The following SERINC2 variants were observed in gnomAD, a reference collection of about 807,000 sequenced individuals.
The protein encoded by SERINC2 is tumor differentially expressed protein 2.
In SERINC2, 56 loss-of-function variants were observed where a neutral mutation model predicts 54.2. The ratio of observed to expected loss-of-function variants is 1.03; its 90% CI spans 0.83 to 1.29. The LOEUF (loss-of-function observed/expected upper bound fraction) is 1.29, where lower values mean the gene tolerates loss of function less well. SERINC2 is among the 50% of genes most tolerant of loss of function. The pLI, the probability that SERINC2 is intolerant of heterozygous loss-of-function variation, is 0.00. For synonymous variants in SERINC2, 272 were observed against 253.1 expected, an observed-to-expected ratio of 1.07 and a Z score of -0.71; for missense variants, 614 against 607.4, an observed-to-expected ratio of 1.01 and a Z score of -0.12.
intron 3 of SERINC2, among the ~76,000 whole-genome samples, chr1:31,425,094 TG>T (rs781784685): frequency 5.9e-5 from 9 of 152,200 alleles, no homozygotes; most frequent in Admixed American, 1.3e-4. Flanking sequence ...GTGACACAGC[TG>T]GGGCTGGACC....
At chr1:31,420,589 C>T (rs189075822) in intron 1 of SERINC2, among the ~76,000 whole-genome samples, 79 of 152,248 alleles carry the variant, frequency 5.2e-4, no homozygotes, top group African/African-American at 1.9e-3. Context: ...ATAAGATGAC[C>T]ATCAGTGAAT....
At chr1:31,423,027 T>C (rs181716563) in intron 1 of SERINC2, among the ~76,000 whole-genome samples, 1 of 152,362 alleles carries the variant, frequency 6.6e-6, no homozygotes, top group African/African-American at 2.4e-5. Flanking sequence ...ACTGGTACTA[T>C]GCCAAACACT....
Position 31,426,620 on chromosome 1 carries a change from C to T in SERINC2, c.611-34C>T, listed in dbSNP as rs368267360. On this transcript the variant is annotated intron_variant, in intron 5 of 9. Transcript: ENST00000373709. ...GGATCCCTGTTCCTCCTGCCCCACC[C>T]ACTGCCTACCCTCTCACTACCCCTC... The T allele has an allele frequency of 4.2e-5, 66 of 1,562,214 alleles. No homozygotes were observed. In the South Asian group the frequency reaches 7.2e-4, roughly 17 times the overall value.
At chr1:31,419,271 G>A (rs1003679962) in intron 1 of SERINC2, among the ~76,000 whole-genome samples, 1 of 152,174 alleles carries the variant, frequency 6.6e-6, no homozygotes, top group Admixed American at 6.5e-5. Flanking sequence ...AAAGGGCCAC[G>A]GCTGTCCCCA....
rs1557492556 is a variant in SERINC2 at position 31,423,755 on chromosome 1, C to T, written c.102C>T (p.Asn34=). 5.0e-6 allele frequency: 8 copies of T among 1,613,634 alleles called. No individual in the cohort carries two copies. The highest frequency in any genetic ancestry group is 6.8e-6 in the Non-Finnish European group (8 of 1,179,974). ...ILCSCCPASR[N]STVSRLIFTF... ...GCAGCTGCTGCCCCGCCAGCCGCAA[C>T]TCCACCGTGAGCCGCCTCATCTTCA... is the stretch of plus-strand genomic sequence containing the variant. The change falls in exon 2 of 10, where the codon AAC becomes AAT. Residue 34 remains asparagine, a synonymous_variant. Coordinates refer to ENST00000373709, the MANE Select transcript of SERINC2 (RefSeq NM_178865.5).
intron 1 of SERINC2, among the ~76,000 whole-genome samples, chr1:31,421,354 C>T (rs1553132732): frequency 6.6e-6 from 1 of 152,114 alleles, no homozygotes; most frequent in Non-Finnish European, 1.5e-5. Context: ...GCTTTATGGC[C>T]TCTAAAACAT....
At chr1:31,410,359 T>TA (rs782399349), upstream of SERINC2, 11 of 1,547,216 alleles carry the variant, frequency 7.1e-6, no homozygotes, top group East Asian at 9.8e-5. Context: ...ATAGCTGGGG[T>TA]AAAAAAACTT....
At chr1:31,425,572 C>T (rs994932799) in intron 4 of SERINC2, among the ~76,000 whole-genome samples, 163 bp downstream of exon 4, 3 of 152,222 alleles carry the variant, frequency 2.0e-5, no homozygotes, top group Non-Finnish European at 4.4e-5. Flanking sequence ...TGCTTGGCCA[C>T]ACGGCCTTTG....
At position 31,431,461 on chromosome 1, in the gene SERINC2, C is replaced by T. The variant is rs543514340; in HGVS notation, c.1014-1506C>T. Among the ~76,000 whole-genome samples the T allele has an allele frequency of 8.1e-4, 123 of 152,216 alleles. 1 individual carries two copies. In the Middle Eastern group the frequency reaches 0.01, roughly 13 times the overall value. On this transcript the variant is annotated intron_variant, in intron 8 of 9. Transcript: ENST00000373709. ...TTTTACAGATAGGGAAACTGACAGCCGGGGAGGAGGCCATGAGCACATGGT... is the reference window on the plus strand; with the variant it reads ...TTTTACAGATAGGGAAACTGACAGCTGGGGAGGAGGCCATGAGCACATGGT...
At chr1:31,433,335 C>G in intron 9 of SERINC2, 150 bp downstream of exon 9, 1 of 658,168 alleles carries the variant, frequency 1.5e-6, no homozygotes, top group Non-Finnish European at 2.7e-6. Flanking sequence ...GAGCCTGCCC[C>G]TTCCCTGCTA....
intron 1 of SERINC2, among the ~76,000 whole-genome samples, chr1:31,422,518 C>T (rs187132620): frequency 8.5e-4 from 129 of 152,174 alleles, no homozygotes; most frequent in African/African-American, 3.0e-3. Flanking sequence ...ACATGCCACC[C>T]TCAATCAAAC....
intron 4 of SERINC2, 65 bp from the exon 5 acceptor site, chr1:31,425,711 C>T (rs943402637): frequency 1.6e-5 from 25 of 1,570,290 alleles, no homozygotes; most frequent in East Asian, 1.6e-4. Context: ...TAGCAGAAAA[C>T]GCTTGTTGAA....
At chr1:31,425,084 G>A (rs1641002323) in intron 3 of SERINC2, among the ~76,000 whole-genome samples, 1 of 152,234 alleles carries the variant, frequency 6.6e-6, no homozygotes, top group Admixed American at 6.5e-5. Flanking sequence ...CAGCACTTCA[G>A]TGACACAGCT....
intron 1 of SERINC2, chr1:31,414,578 G>A (rs782282501): frequency 1.0e-5 from 10 of 985,224 alleles, no homozygotes; most frequent in Non-Finnish European, 1.2e-5. Flanking sequence ...AGAGCCTCTC[G>A]CCTCATTAGG....
In SERINC2 at chr1:31,433,039, C is replaced by CAA. The variant is rs1553135035; in HGVS notation, c.1087_1088insAA (p.Thr363LysfsTer42). 1 of 1,507,138 alleles carries CAA rather than the reference C, an allele frequency of 6.6e-7. No individual in the cohort carries two copies. The highest frequency in any genetic ancestry group is 2.1e-5 in the African/African-American group (1 of 48,230). The allele number at this position is 1,507,138 out of a possible 1,614,324, so 93.4% of individuals were successfully genotyped here. A position where few individuals can be genotyped will look rare whatever the true frequency, so the allele number is the denominator to read the frequency against. The stretch of plus-strand genomic sequence containing the variant: ...AGGAGTGCCCACCTATGCTAGACGC[C>CAA]ACACAGCAGCAGCAGCAGGTGGCAG... On this transcript the variant is annotated frameshift_variant, in exon 9 of 10. Transcript: ENST00000373709. LOFTEE classifies it high-confidence loss of function.
intron 8 of SERINC2, among the ~76,000 whole-genome samples, chr1:31,431,245 C>T (rs1553134417): frequency 6.6e-6 from 1 of 152,024 alleles, no homozygotes. Flanking sequence ...CCACCTCAGC[C>T]TCCTGAGTCA....
At chr1:31,418,435 G>C (rs1323208518) in intron 1 of SERINC2, among the ~76,000 whole-genome samples, 2 of 152,004 alleles carry the variant, frequency 1.3e-5, no homozygotes, top group African/African-American at 2.4e-5. Context: ...GGAGTGTATT[G>C]GCGCGATTCA....
rs782443206 is a variant in SERINC2 at position 31,424,721 on chromosome 1, C to T, written c.240C>T (p.Thr80=). The T allele has an allele frequency of 8.6e-5, 139 of 1,608,208 alleles. 2 individuals carry two copies. The South Asian group carries it at 1.3e-3, about 15-fold the overall frequency. The change falls in exon 3 of 10, where the codon ACC becomes ACT. Residue 80 remains threonine, a synonymous_variant. Coordinates refer to ENST00000373709, the MANE Select transcript of SERINC2 (RefSeq NM_178865.5). The part of the protein sequence containing the change: ...WVCEEGAGIP[T]VLQGHIDCGS... ...GTGAGGAGGGGGCCGGGATCCCCAC[C>T]GTCCTGCAGGGCCACATCGACTGTG... is the stretch of plus-strand genomic sequence containing the variant.
At chr1:31,432,760 A>G (rs1455910464) in intron 8 of SERINC2, among the ~76,000 whole-genome samples, 2 of 152,158 alleles carry the variant, frequency 1.3e-5, no homozygotes, top group Non-Finnish European at 2.9e-5. Context: ...ACAAGGAATC[A>G]GAGGCTCAGA....
Sources: gnomAD v4.1 joint callset for allele counts (sites outside exome capture counted in the v4.1 genomes callset) on GRCh38, gnomAD v4.1.1 for gene constraint, MANE v1.5 for transcripts, NCBI Gene and HGNC (gene_info 2026-07-23, HGNC 2026-07-21) for gene names.